NCOA6: variants seen among roughly 807,000 people sequenced by gnomAD.
The protein encoded by NCOA6 is NRC RAP250.
In NCOA6, 49 loss-of-function variants were observed where a neutral mutation model predicts 171.4. The ratio of observed to expected loss-of-function variants is 0.29; its 90% CI spans 0.23 to 0.36. The LOEUF (loss-of-function observed/expected upper bound fraction) is 0.36, where lower values mean the gene tolerates loss of function less well. NCOA6 is among the 10% of genes least tolerant of loss of function. The pLI is 1.00. For missense variants in NCOA6, 2,248 were observed against 2,554.5 expected, an observed-to-expected ratio of 0.88 and a Z score of 2.59; for synonymous variants, 910 against 927.5, an observed-to-expected ratio of 0.98 and a Z score of 0.34.
intron 7 of NCOA6, among the ~76,000 whole-genome samples, chr20:34,756,099 T>A (rs565907769): frequency 6.6e-6 from 1 of 152,308 alleles, no homozygotes; most frequent in South Asian, 2.1e-4. Flanking sequence ...CAAATATGCA[T>A]TTGTCCTTTC....
At chr20:34,794,480 T>C (rs1271695121) in intron 1 of NCOA6, among the ~76,000 whole-genome samples, 3 of 151,750 alleles carry the variant, frequency 2.0e-5, no homozygotes, top group African/African-American at 4.8e-5. Flanking sequence ...ATTTAAATTA[T>C]AGAACATCCT....
chr20:34,763,576 C>G (rs1568804212), intron 5 of NCOA6, among the ~76,000 whole-genome samples: 1 of 152,148 alleles, frequency 6.6e-6, no homozygotes, highest in African/African-American at 2.4e-5. Flanking sequence ...CAGGCTTTAA[C>G]TAGGAGAAGT....
intron 8 of NCOA6, 49 bp from the exon 9 acceptor site, chr20:34,750,568 ATTGGT>A: frequency 6.7e-7 from 1 of 1,502,246 alleles, no homozygotes. Flanking sequence ...TTTTTATCTT[ATTGGT>A]ATTAAGATAC....
At chr20:34,773,021 C>A (rs2077198389) in intron 4 of NCOA6, among the ~76,000 whole-genome samples, 1 of 152,160 alleles carries the variant, frequency 6.6e-6, no homozygotes. Flanking sequence ...ACACTACCGG[C>A]TCCCAAACTT....
chr20:34,792,340 T>C (rs1429599096), intron 2 of NCOA6, 110 bp downstream of exon 2: 3 of 373,404 alleles, frequency 8.0e-6, no homozygotes, highest in East Asian at 7.5e-5. Context: ...CCAAGAATAA[T>C]AAATGCATTC....
At chr20:34,764,639 C>T (rs1320232155) in intron 5 of NCOA6, among the ~76,000 whole-genome samples, 1 of 151,376 alleles carries the variant, frequency 6.6e-6, no homozygotes, top group African/African-American at 2.4e-5. Flanking sequence ...GAGCCAAGAT[C>T]GCGCAACTGC....
At chr20:34,802,931 T>C (rs899535731) in intron 1 of NCOA6, among the ~76,000 whole-genome samples, 9 of 151,976 alleles carry the variant, frequency 5.9e-5, no homozygotes, top group Non-Finnish European at 1.2e-4. Flanking sequence ...CCCGAGTAGA[T>C]GGACCCAAGT....
chr20:34,778,858 C>G (rs1388511633), intron 3 of NCOA6, among the ~76,000 whole-genome samples: 1 of 149,578 alleles, frequency 6.7e-6, no homozygotes, highest in African/African-American at 2.5e-5. Flanking sequence ...ACTTGGGAGG[C>G]TGAAGCAGGA....
chr20:34,728,632 TAGGTGCCTAAGGAAACA>T (rs549608495), intron 13 of NCOA6, among the ~76,000 whole-genome samples: 1 of 152,328 alleles, frequency 6.6e-6, no homozygotes, highest in Non-Finnish European at 1.5e-5. Flanking sequence ...ATCCCACTTC[TAGGTGCCTAAGGAAACA>T]AATCTTTTTA....
chr20:34,794,527 A>G (rs1208007328), intron 1 of NCOA6, among the ~76,000 whole-genome samples: 1 of 152,154 alleles, frequency 6.6e-6, no homozygotes, highest in Non-Finnish European at 1.5e-5. Context: ...ACACAGCAAG[A>G]AGGAAAATGC....
Position 34,722,765 on chromosome 20 carries a change from C to T in NCOA6, c.6148+4494G>A, listed in dbSNP as rs184666278. On this transcript the variant is annotated intron_variant, in intron 14 of 14. Transcript: ENST00000359003. The stretch of plus-strand genomic sequence containing the variant: ...CTTTGGGAGGCCGAGGCAAGTGAAT[C>T]ACTTGAGGTCAGGACTTCGAGACCA... 4.1e-3 allele frequency among the ~76,000 whole-genome samples: 621 copies of T among 151,382 alleles called. 2 individuals are homozygous for T. Among genetic ancestry groups the T allele is most frequent in the African/African-American group, 0.014 (593 of 41,214 alleles).
chr20:34,775,271 T>C (rs1172443324), intron 4 of NCOA6, among the ~76,000 whole-genome samples: 1 of 151,926 alleles, frequency 6.6e-6, no homozygotes, highest in African/African-American at 2.4e-5. Context: ...GATAGCAGGA[T>C]TTTAATCTAG....
Position 34,783,622 on chromosome 20 carries a change from C to CATTG in NCOA6, c.-49-1222_-49-1219dup, listed in dbSNP as rs10640098. Among the ~76,000 whole-genome samples the CATTG allele has an allele frequency of 9.0e-3, 1,377 of 152,194 alleles. 24 individuals are homozygous for CATTG. The highest frequency in any genetic ancestry group is 0.031 in the African/African-American group (1,296 of 41,530). On this transcript the variant is annotated intron_variant, in intron 2 of 14. Transcript: ENST00000359003. Reference sequence around the variant, plus strand: ...CCTTATAATTTTAACTATAATACAACATTGATTGATTGATTGATTGAGACA... The same window carrying CATTG: ...CCTTATAATTTTAACTATAATACAACATTGATTGATTGATTGATTGATTGAGACA...
chr20:34,736,890 C>G, intron 11 of NCOA6, 132 bp from the exon 12 acceptor site: 1 of 663,456 alleles, frequency 1.5e-6, no homozygotes, highest in Non-Finnish European at 2.4e-6. Flanking sequence ...AAATTGGCCT[C>G]GAAATTACAA....
intron 14 of NCOA6, among the ~76,000 whole-genome samples, chr20:34,724,936 C>T (rs1185155106): frequency 6.6e-6 from 1 of 151,926 alleles, no homozygotes; most frequent in South Asian, 2.1e-4. Context: ...TTACAGGCGC[C>T]CACCACCACA....
At position 34,758,895 on chromosome 20, in the gene NCOA6, G is replaced by T; in HGVS notation, c.553C>A (p.Pro185Thr). 1.2e-6 allele frequency: 2 copies of T among 1,613,840 alleles called. No individual in the cohort carries two copies. Among genetic ancestry groups the T allele is most frequent in the Non-Finnish European group, 1.7e-6 (2 of 1,179,896 alleles). The change falls in exon 6 of 15, where the codon CCC becomes ACC. Residue 185 changes from proline to threonine, a missense_variant. By Grantham distance (38) the Pro-to-Thr change is conservative (BLOSUM62 -1). Coordinates refer to ENST00000359003, the MANE Select transcript of NCOA6 (RefSeq NM_014071.5). ...GAAGATGACACATTTCCACCCGGGG[G>T]TATCATAACAGTGGCAGGGTTGTTC... is the stretch of plus-strand genomic sequence containing the variant. ...RMNNPATVMIPPGGNVSSSMM... is the reference protein window; with the variant it reads ...RMNNPATVMITPGGNVSSSMM...
chr20:34,791,694 A>C (rs1178396428), intron 2 of NCOA6, among the ~76,000 whole-genome samples: 1 of 152,246 alleles, frequency 6.6e-6, no homozygotes, highest in Non-Finnish European at 1.5e-5. Flanking sequence ...TTTAATGTAA[A>C]CAATGACTGC....
intron 11 of NCOA6, among the ~76,000 whole-genome samples, chr20:34,738,191 C>T (rs1337453575): frequency 1.3e-5 from 2 of 152,182 alleles, no homozygotes; most frequent in Non-Finnish European, 2.9e-5. Context: ...GCATGAGCCA[C>T]CGTGCCTGGC....
intron 1 of NCOA6, among the ~76,000 whole-genome samples, chr20:34,801,820 G>A (rs1449707002): frequency 6.6e-6 from 1 of 152,046 alleles, no homozygotes; most frequent in Admixed American, 6.6e-5. Context: ...AGCCGAGATT[G>A]CATCAATGCA....
Sources: allele counts gnomAD v4.1 joint callset (sites outside exome capture counted in the v4.1 genomes callset), GRCh38; gene constraint gnomAD v4.1.1; transcripts MANE v1.5; gene names NCBI Gene and HGNC (gene_info 2026-07-23, HGNC 2026-07-21).